The following BTRC variants were observed in gnomAD, a reference collection of about 807,000 sequenced individuals.
The protein encoded by BTRC is F-box/WD repeat-containing protein 1A.
In BTRC, 42 loss-of-function variants were observed where a neutral mutation model predicts 85.5. The ratio of observed to expected loss-of-function variants is 0.49; its 90% CI spans 0.38 to 0.64. BTRC has a LOEUF of 0.64. Among genes scored for constraint, BTRC ranks in the 30% least tolerant of loss-of-function variants. The pLI, the probability that BTRC is intolerant of heterozygous loss-of-function variation, is 0.00. For missense variants in BTRC, 594 were observed against 743.5 expected (o/e 0.80, Z 2.34); for synonymous variants, 255 against 263.3 (o/e 0.97, Z 0.30).
At chr10:101,467,023 A>T (rs1038319309) in intron 3 of BTRC, among the ~76,000 whole-genome samples, 1 of 152,204 alleles carries the variant, frequency 6.6e-6, no homozygotes, top group East Asian at 1.9e-4. Flanking sequence ...AAATGACATT[A>T]TAGTGTGTAT....
chr10:101,476,625 A>AT lies in BTRC; in HGVS notation c.235-2728dup, dbSNP rs1245165290. 5.7e-3 allele frequency among the ~76,000 whole-genome samples: 815 copies of AT among 143,372 alleles called. 5 individuals carry two copies. The highest frequency in any genetic ancestry group is 8.2e-3 in the Non-Finnish European group (535 of 65,000). 94.1% of individuals were successfully genotyped at this position (143,372 alleles called of 152,430 possible). A position where few individuals can be genotyped will look rare whatever the true frequency, so the allele number is the denominator to read the frequency against. ...AGGCCTGTGCTGCCACGCCCAGTTAATTTTTTTTTTTTTTTAAATAGAAAT... is the reference window on the plus strand; with the variant it reads ...AGGCCTGTGCTGCCACGCCCAGTTAATTTTTTTTTTTTTTTTAAATAGAAAT... On this transcript the variant is annotated intron_variant, in intron 3 of 14. Transcript: ENST00000370187.
At position 101,480,527 on chromosome 10, in the gene BTRC, A is replaced by G. The variant is rs535563577; in HGVS notation, c.324+1070A>G. 3.3e-5 allele frequency among the ~76,000 whole-genome samples: 5 copies of G among 152,288 alleles called. No homozygotes were observed. In the East Asian group the frequency reaches 9.6e-4, roughly 29 times the overall value. On this transcript the variant is annotated intron_variant, in intron 4 of 14. Coordinates refer to ENST00000370187, the MANE Select transcript of BTRC (RefSeq NM_033637.4). ...TTCTCACTGCATCCTCACATGATAG[A>G]AGAGACTAGCTAGATATCCGAGGTC...
chr10:101,492,055 C>T (rs576412996), intron 4 of BTRC, among the ~76,000 whole-genome samples: 1 of 151,924 alleles, frequency 6.6e-6, no homozygotes, highest in Non-Finnish European at 1.5e-5. Context: ...TTCACACAGA[C>T]TCATAAAGTA....
intron 1 of BTRC, among the ~76,000 whole-genome samples, chr10:101,421,630 C>G (rs1449225126): frequency 3.5e-4 from 40 of 114,238 alleles, no homozygotes; most frequent in Admixed American, 3.0e-4. Context: ...CCCCTCCCCC[C>G]ACCCCACAAC....
At chr10:101,458,462 G>A (rs1360128715) in intron 2 of BTRC, among the ~76,000 whole-genome samples, 4 of 152,140 alleles carry the variant, frequency 2.6e-5, no homozygotes, top group African/African-American at 9.7e-5. Context: ...AACTTACAGA[G>A]CTGTATACCA....
intron 1 of BTRC, among the ~76,000 whole-genome samples, chr10:101,405,686 G>A (rs1943602764): frequency 6.6e-6 from 1 of 152,092 alleles, no homozygotes; most frequent in African/African-American, 2.4e-5. Flanking sequence ...TATATGTTCT[G>A]TCCATTTCTT....
chr10:101,479,542 G>A, intron 4 of BTRC, 85 bp downstream of exon 4: 2 of 1,097,676 alleles, frequency 1.8e-6, no homozygotes, highest in Non-Finnish European at 2.7e-6. Flanking sequence ...TATTGCTTAA[G>A]GATTATTACA....
At chr10:101,383,495 C>T (rs949430131) in intron 1 of BTRC, among the ~76,000 whole-genome samples, 2 of 151,622 alleles carry the variant, frequency 1.3e-5, no homozygotes, top group Admixed American at 6.6e-5. Context: ...TTATTTGGAC[C>T]GTTTTCTTCC....
chr10:101,463,956 A>C (rs1266798841), intron 3 of BTRC, among the ~76,000 whole-genome samples: 4 of 152,066 alleles, frequency 2.6e-5, no homozygotes, highest in African/African-American at 4.8e-5. Context: ...TTTAAAAAAA[A>C]AAACAAACAA....
intron 1 of BTRC, among the ~76,000 whole-genome samples, chr10:101,380,953 A>G (rs911860256): frequency 6.6e-6 from 1 of 152,222 alleles, no homozygotes. Flanking sequence ...TGAATCCTGT[A>G]AGCCATTGTA....
In BTRC at chr10:101,534,674, A is replaced by C; in HGVS notation, c.1111A>C (p.Asn371His). 6.2e-7 allele frequency: 1 copy of C among 1,614,176 alleles called. No homozygotes were observed. ...SDSTVRVWDV[N>H]TGEMLNTLIH... ...TATCACTTCCAGAGTGTGGGATGTA[A>C]ATACAGGTGAAATGCTAAACACGTT... The change falls in exon 10 of 15, where the codon AAT (asparagine) becomes CAT (histidine). Residue 371 changes from asparagine to histidine, a missense_variant. By Grantham distance (68) the Asn-to-His change is moderately conservative. Transcript: ENST00000370187.
rs1483517835 is a variant in BTRC at position 101,554,915 on chromosome 10, T to G, written c.*1792T>G. The G allele has an allele frequency of 6.6e-6, 1 of 152,254 alleles. No homozygotes were observed. The highest frequency in any genetic ancestry group is 6.5e-5 in the Admixed American group (1 of 15,292). The allele number at this position is 152,254 out of a possible 1,614,324, so 9.4% of individuals were successfully genotyped here. A position where few individuals can be genotyped will look rare whatever the true frequency, so the allele number is the denominator to read the frequency against. On this transcript the variant is annotated 3_prime_UTR_variant, in exon 15 of 15. Coordinates refer to ENST00000370187, the MANE Select transcript of BTRC (RefSeq NM_033637.4). The stretch of plus-strand genomic sequence containing the variant: ...TTGTTACTACATATTGAGAGTCATT[T>G]TATGCATATGCATTCTACCTTTCCT...
chr10:101,368,863 A>G (rs1014747741), intron 1 of BTRC, among the ~76,000 whole-genome samples: 2 of 152,178 alleles, frequency 1.3e-5, no homozygotes, highest in South Asian at 2.1e-4. Context: ...TACTAAAGGT[A>G]CAAAAGTTAG....
At chr10:101,472,275 C>CTCTCT (rs57342908) in intron 3 of BTRC, among the ~76,000 whole-genome samples, 21,418 of 114,188 alleles carry the variant, frequency 0.19, 2,224 homozygotes, top group East Asian at 0.32. Context: ...TTTTCTTTTC[C>CTCTCT]TCTCTTCTCT....
At chr10:101,442,138 G>A (rs1329303217) in intron 2 of BTRC, among the ~76,000 whole-genome samples, 4 of 152,094 alleles carry the variant, frequency 2.6e-5, no homozygotes, top group African/African-American at 9.7e-5. Flanking sequence ...AGTGGCACAG[G>A]TATTTTAAAC....
intron 1 of BTRC, among the ~76,000 whole-genome samples, chr10:101,366,948 TTATA>T (rs71016311): frequency 3.9e-5 from 1 of 25,440 alleles, no homozygotes; most frequent in South Asian, 9.1e-4. Flanking sequence ...TTATATATAT[TTATA>T]TATATATTTA....
chr10:101,370,424 AT>A (rs992127009), intron 1 of BTRC, among the ~76,000 whole-genome samples: 4 of 151,906 alleles, frequency 2.6e-5, no homozygotes, highest in African/African-American at 9.7e-5. Context: ...CTTCTTCCTT[AT>A]CCTGATGGTA....
At chr10:101,483,419 C>T (rs1032650096) in intron 4 of BTRC, among the ~76,000 whole-genome samples, 2 of 152,112 alleles carry the variant, frequency 1.3e-5, no homozygotes, top group Non-Finnish European at 2.9e-5. Context: ...ATGGTGAAAC[C>T]CTGTCTATAC....
chr10:101,386,936 A>G (rs1943094436), intron 1 of BTRC, among the ~76,000 whole-genome samples: 1 of 152,224 alleles, frequency 6.6e-6, no homozygotes, highest in Admixed American at 6.5e-5. Context: ...TAGTCTTTCT[A>G]GAATTGATTT....
Sources: allele counts gnomAD v4.1 joint callset (sites outside exome capture counted in the v4.1 genomes callset), GRCh38; gene constraint gnomAD v4.1.1; transcripts MANE v1.5; gene names NCBI Gene and HGNC (gene_info 2026-07-23, HGNC 2026-07-21).